The following ZNF512B variants were observed in gnomAD, a reference collection of about 807,000 sequenced individuals.
ZNF512B encodes the protein zinc finger protein 512B.
A neutral mutation model predicts 87.8 loss-of-function variants in ZNF512B; 22 were observed. The observed-to-expected ratio is 0.25, with a 90% CI of 0.18 to 0.36. The LOEUF is 0.36. ZNF512B is among the 10% of genes least tolerant of loss of function. ZNF512B has a pLI of 1.00. For missense variants in ZNF512B, 1,060 were observed against 1,231.6 expected, an observed-to-expected ratio of 0.86 and a Z score of 2.09; for synonymous variants, 524 against 490.9, an observed-to-expected ratio of 1.07 and a Z score of -0.89.
chr20:63,967,994 A>T (rs2058945759), intron 1 of ZNF512B, 42 bp from the exon 2 acceptor site: 2 of 1,576,784 alleles, frequency 1.3e-6, no homozygotes, highest in African/African-American at 2.7e-5. Flanking sequence ...GACGGGCCCC[A>T]CTTGGAACAC....
intron 1 of ZNF512B, among the ~76,000 whole-genome samples, chr20:63,969,596 G>C (rs1051034419): frequency 1.3e-4 from 19 of 146,992 alleles, no homozygotes; most frequent in East Asian, 9.9e-4. Context: ...GCGCGGGGTG[G>C]GGGGGCGAAG....
At chr20:63,964,049 G>T (rs369287959) in intron 8 of ZNF512B, 22 bp downstream of exon 8, 2 of 1,602,204 alleles carry the variant, frequency 1.2e-6, no homozygotes, top group African/African-American at 2.7e-5. Context: ...GCTGCCCTGA[G>T]CCCCTGCCAG....
chr20:63,962,107 T>C, intron 14 of ZNF512B, 103 bp from the exon 15 acceptor site: 1 of 1,374,406 alleles, frequency 7.3e-7, no homozygotes. Flanking sequence ...TTGGGGCAAG[T>C]GAGGGGGTGT....
At chr20:63,968,095 A>C in intron 1 of ZNF512B, 143 bp from the exon 2 acceptor site, 1 of 1,086,944 alleles carries the variant, frequency 9.2e-7, no homozygotes, top group Non-Finnish European at 1.3e-6. Context: ...TTCACGTGGG[A>C]AAAGCAAGTG....
rs765677665 is a variant in ZNF512B at position 63,959,980 on chromosome 20, G to A, written c.2587C>T (p.Arg863Cys). 8 of 1,612,668 alleles carry A rather than the reference G, an allele frequency of 5.0e-6. No homozygotes were observed. The highest frequency in any genetic ancestry group is 3.3e-5 in the Admixed American group (2 of 60,026). Residue 863 changes from arginine (R) to cysteine (C), a missense_variant, in exon 17 of 17, where the codon CGC (arginine) becomes TGC (cysteine). Arg to Cys is a radical substitution (Grantham distance 180). Around this residue, in one of 9 missense-constraint regions of ZNF512B, gnomAD observed 253 missense variants for 259.2 expected, o/e 0.98. Coordinates refer to ENST00000369888, the MANE Select transcript of ZNF512B (RefSeq NM_020713.3). The stretch of plus-strand genomic sequence containing the variant: ...CATCCTGGAGGCCAGTCGTCCCGGC[G>A]CGGGGGCAGCTTGGCCACAGGCTCC... ...PEEPVAKLPP[R>C]RDDWPPGCRD...
chr20:63,961,508 G>T lies in ZNF512B; in HGVS notation c.2329-101C>A. On this transcript the variant is annotated intron_variant, in intron 15 of 16. Coordinates refer to ENST00000369888, the MANE Select transcript of ZNF512B (RefSeq NM_020713.3). This position sits in a 1 kb window ranked among gnomAD's most constrained non-coding sequence, Gnocchi z 6.4. ...AGGGTCAGAGTCAGCGGTGGCCCAA[G>T]GAAAGCTGTGGCTGTCTGTGCCAGA... 8.9e-7 allele frequency: 1 copy of T among 1,118,198 alleles called. No homozygotes were observed. The highest frequency in any genetic ancestry group is 1.3e-6 in the Non-Finnish European group (1 of 756,802). 69.3% of individuals were successfully genotyped at this position (1,118,198 alleles called of 1,614,324 possible).
At position 63,962,580 on chromosome 20, in the gene ZNF512B, A is replaced by G; in HGVS notation, c.2163+7T>C. The G allele has an allele frequency of 6.2e-7, 1 of 1,602,130 alleles. No individual in the cohort carries two copies. Among genetic ancestry groups the G allele is most frequent in the South Asian group, 1.1e-5 (1 of 90,272 alleles). ...CGCTGTCCACAGCCCTGGGGGGGGCAGCTCACCCGTGCGGTCTCGGGCACA... is the reference window on the plus strand; with the variant it reads ...CGCTGTCCACAGCCCTGGGGGGGGCGGCTCACCCGTGCGGTCTCGGGCACA... On this transcript the variant is annotated splice_region_variant and intron_variant, in intron 13 of 16. Coordinates refer to ENST00000369888, the MANE Select transcript of ZNF512B (RefSeq NM_020713.3).
intron 12 of ZNF512B, 95 bp from the exon 13 acceptor site, chr20:63,962,876 AG>A: frequency 7.5e-7 from 1 of 1,328,808 alleles, no homozygotes; most frequent in South Asian, 1.5e-5. Context: ...GTGGACCCAC[AG>A]GCCTCCCAGT....
chr20:63,966,828 C>A, intron 4 of ZNF512B, 47 bp from the exon 5 acceptor site: 1 of 1,610,660 alleles, frequency 6.2e-7, no homozygotes, highest in Admixed American at 1.7e-5. Context: ...AGGGCCTCTG[C>A]CCAAACACAC....
chr20:63,967,412 T>A lies in ZNF512B; in HGVS notation c.233A>T (p.Lys78Ile), dbSNP rs772896054. The change falls in exon 3 of 17, where the codon AAA becomes ATA. Residue 78 changes from lysine to isoleucine, a missense_variant. Lys to Ile is a moderately radical substitution (Grantham distance 102). Coordinates refer to ENST00000369888, the MANE Select transcript of ZNF512B (RefSeq NM_020713.3). Reference protein sequence around the residue: ...KTEGKKKGRPKAENQALRDIP... With the variant: ...KTEGKKKGRPIAENQALRDIP... The stretch of plus-strand genomic sequence containing the variant: ...GTCTCGGAGGGCCTGGTTCTCGGCT[T>A]TTGGCCGCCCCTTTTTCTTCCCTTC... 6.2e-7 allele frequency: 1 copy of A among 1,612,742 alleles called. No individual in the cohort carries two copies. The highest frequency in any genetic ancestry group is 8.5e-7 in the Non-Finnish European group (1 of 1,179,184).
Position 63,964,509 on chromosome 20 carries a change from GTCC to G in ZNF512B, c.1239_1241del (p.Glu413del). The G allele has an allele frequency of 6.2e-7, 1 of 1,612,810 alleles. No homozygotes were observed. ...TCTTACTGTGCTTTGTGCGCTCCGG[GTCC>G]TCCTCAGGCGGGGACGCAGGGCCTG... On this transcript the variant is annotated inframe_deletion, in exon 6 of 17. Coordinates refer to ENST00000369888, the MANE Select transcript of ZNF512B (RefSeq NM_020713.3).
At chr20:63,964,422 A>T in intron 6 of ZNF512B, 31 bp from the exon 7 acceptor site, 12 of 1,613,698 alleles carry the variant, frequency 7.4e-6, no homozygotes, top group Non-Finnish European at 9.3e-6. Flanking sequence ...GGGGGCCAAG[A>T]TTCTGGTGAA....
At position 63,961,987 on chromosome 20, in the gene ZNF512B, G is replaced by A; in HGVS notation, c.2283C>T (p.Tyr761=). The A allele has an allele frequency of 6.4e-7, 1 of 1,551,046 alleles. No individual in the cohort carries two copies. The highest frequency in any genetic ancestry group is 1.2e-5 in the South Asian group (1 of 84,064). Residue 761 remains tyrosine (Y), a synonymous_variant, in exon 15 of 17, where the codon TAC becomes TAT. Transcript: ENST00000369888. This position sits in a 1 kb window ranked among gnomAD's most constrained non-coding sequence, Gnocchi z 6.4. ...NCPNDCCEAI[Y]SSVSGLKAHL... is the part of the protein sequence containing the mutation. ...GAGCCTTGAGTCCGGACACGCTGGA[G>A]TAGATGGCTTCACAGCACTGCAGGG... is the stretch of plus-strand genomic sequence containing the variant.
rs890111005 is a variant in ZNF512B, at chr20:63,959,220, TG to T, written c.*667del. ...ACAGACAGGCCTGGGGGGCAGGGCC[TG>T]AGCACAGCAGGGATCGCACTGACAA... On this transcript the variant is annotated 3_prime_UTR_variant, in exon 17 of 17. Coordinates refer to ENST00000369888, the MANE Select transcript of ZNF512B (RefSeq NM_020713.3). 1 of 153,366 alleles carries T rather than the reference TG, an allele frequency of 6.5e-6. No homozygotes were observed. The highest frequency in any genetic ancestry group is 6.5e-5 in the Admixed American group (1 of 15,292). 9.5% of individuals were successfully genotyped at this position (153,366 alleles called of 1,614,324 possible).
At chr20:63,963,301 C>G (rs2058876433) in intron 11 of ZNF512B, 36 bp from the exon 12 acceptor site, 12 of 1,537,048 alleles carry the variant, frequency 7.8e-6, no homozygotes, top group African/African-American at 2.7e-5. Flanking sequence ...GAGTGGCCAG[C>G]AGGGCCCCCC....
Position 63,966,791 on chromosome 20 carries a change from G to T in ZNF512B, c.394-10C>A, listed in dbSNP as rs575405446. 3.7e-6 allele frequency: 6 copies of T among 1,600,406 alleles called. No homozygotes were observed. The African/African-American group carries it at 8.0e-5, about 21-fold the overall frequency. ...GATCTGAGATGGCACCCTGGGCAGG[G>T]AAGGGAAGGTTTGGGACAGGGCCCC... On this transcript the variant is annotated splice_polypyrimidine_tract_variant and intron_variant, in intron 4 of 16. Coordinates refer to ENST00000369888, the MANE Select transcript of ZNF512B (RefSeq NM_020713.3).
rs778548518 is a variant in ZNF512B at position 63,962,293 on chromosome 20, G to T, written c.2245C>A (p.His749Asn). The T allele has an allele frequency of 6.2e-7, 1 of 1,612,074 alleles. No homozygotes were observed. Among genetic ancestry groups the T allele is most frequent in the East Asian group, 2.2e-5 (1 of 44,894 alleles). Residue 749 changes from histidine (H) to asparagine (N), a missense_variant, in exon 14 of 17, where the codon CAC (histidine) becomes AAC (asparagine). His to Asn is a moderately conservative substitution (Grantham distance 68, BLOSUM62 1). Around this residue, in one of 9 missense-constraint regions of ZNF512B, gnomAD observed 253 missense variants for 259.2 expected, o/e 0.98. Transcript: ENST00000369888. The stretch of plus-strand genomic sequence containing the variant: ...CTCACGTCGTTGGGACAGTTGACGT[G>T]GCCTTTCTCCTTCACTTCATTCTTC... ...AWKNEVKEKG[H>N]VNCPNDCCEA...
In ZNF512B at chr20:63,964,462, G is replaced by C. The variant is rs538999449; in HGVS notation, c.1261+28C>G. 1.3e-5 allele frequency: 21 copies of C among 1,613,304 alleles called. No homozygotes were observed. In the South Asian group the frequency reaches 1.5e-4, roughly 12 times the overall value. On this transcript the variant is annotated intron_variant, in intron 6 of 16. Transcript: ENST00000369888. ...CCGTCAGGAGGCCGAGCCTGCCCCG[G>C]CCGCCACCCCTGGAGCTCTCATCTT...
Position 63,963,923 on chromosome 20 carries a change from A to C in ZNF512B, c.1481-10T>G. On this transcript the variant is annotated splice_polypyrimidine_tract_variant and intron_variant, in intron 8 of 16. Coordinates refer to ENST00000369888, the MANE Select transcript of ZNF512B (RefSeq NM_020713.3). ...TGCTCTTCAGGGCCACCTGTGGGTA[A>C]GGCAGGGGCCTCGAAGGCTTGTGGG... 6.2e-7 allele frequency: 1 copy of C among 1,608,696 alleles called. No individual in the cohort carries two copies. Among genetic ancestry groups the C allele is most frequent in the South Asian group, 1.1e-5 (1 of 91,086 alleles).
Sources: gnomAD v4.1 joint callset for allele counts (sites outside exome capture counted in the v4.1 genomes callset) on GRCh38, gnomAD v4.1.1 for gene constraint, gnomAD v4.1.1 regional missense constraint, Gnocchi (gnomAD v3.1) non-coding constraint, MANE v1.5 for transcripts, NCBI Gene and HGNC (gene_info 2026-07-23, HGNC 2026-07-21) for gene names.